Variants in ADGRA1 observed in about 807,000 individuals in gnomAD.
ADGRA1 encodes adhesion G protein-coupled receptor A1.
ADGRA1 carries 12 observed loss-of-function variants against 21.3 expected under a neutral mutation model. That is an observed-to-expected ratio of 0.56 (90% CI 0.36 to 0.91). The LOEUF (loss-of-function observed/expected upper bound fraction) is 0.91, where lower values mean the gene tolerates loss of function less well. ADGRA1 is among the 40% of genes least tolerant of loss of function. ADGRA1 has a pLI of 0.01. For missense variants in ADGRA1, 790 were observed against 805.6 expected (o/e 0.98, Z 0.23); for synonymous variants, 385 against 368.8 (o/e 1.04, Z -0.50).
At chr10:133,126,582 C>A (rs1007266559) in intron 5 of ADGRA1, among the ~76,000 whole-genome samples, 2 of 152,182 alleles carry the variant, frequency 1.3e-5, no homozygotes, top group African/African-American at 2.4e-5. Flanking sequence ...CAAGTGCACC[C>A]GGTCCGGGAC....
chr10:133,093,108 C>T (rs984344803), intron 2 of ADGRA1: 5 of 1,597,754 alleles, frequency 3.1e-6, no homozygotes, highest in Non-Finnish European at 4.2e-6. Flanking sequence ...GCCCCGGACA[C>T]CTCACTGTGC....
At position 133,088,127 on chromosome 10, in the gene ADGRA1, C is replaced by T. The variant is rs1019441122; in HGVS notation, c.-214C>T. Reference sequence around the variant, plus strand: ...GGCCCGGCCGCCCCGGCAGCCGCTTCGGCCACAGCAGGTGGGAAGGACGCG... The same window carrying T: ...GGCCCGGCCGCCCCGGCAGCCGCTTTGGCCACAGCAGGTGGGAAGGACGCG... On this transcript the variant is annotated 5_prime_UTR_variant, in exon 1 of 7. Transcript: ENST00000392607. 3.3e-4 allele frequency: 321 copies of T among 984,574 alleles called. No homozygotes were observed. Among genetic ancestry groups the T allele is most frequent in the Non-Finnish European group, 3.7e-4 (311 of 829,430 alleles). The allele number at this position is 984,574 out of a possible 1,614,324, so 61.0% of individuals were successfully genotyped here. A position where few individuals can be genotyped will look rare whatever the true frequency, so the allele number is the denominator to read the frequency against.
chr10:133,101,302 G>A (rs774849251), intron 4 of ADGRA1, among the ~76,000 whole-genome samples: 4 of 152,236 alleles, frequency 2.6e-5, no homozygotes, highest in Non-Finnish European at 5.9e-5. Context: ...GGCTCTGGAT[G>A]GCTGGAGAGG....
At chr10:133,093,128 G>T in intron 2 of ADGRA1, 1 of 1,594,584 alleles carries the variant, frequency 6.3e-7, no homozygotes, top group Non-Finnish European at 8.5e-7. Context: ...CAGGAAAGAA[G>T]GTTCCTCAGC....
chr10:133,108,811 C>T (rs1288771220), intron 5 of ADGRA1, among the ~76,000 whole-genome samples: 2 of 114,484 alleles, frequency 1.7e-5, no homozygotes, highest in African/African-American at 6.0e-5. Flanking sequence ...CCCTCACATC[C>T]TCCATGGTCC....
At chr10:133,113,006 T>C (rs1852087470) in intron 5 of ADGRA1, among the ~76,000 whole-genome samples, 1 of 148,626 alleles carries the variant, frequency 6.7e-6, no homozygotes. Context: ...ATAAGCTGTG[T>C]CAGTTATTTG....
chr10:133,104,373 A>T (rs1254025265), intron 5 of ADGRA1, among the ~76,000 whole-genome samples: 1 of 152,188 alleles, frequency 6.6e-6, no homozygotes, highest in Non-Finnish European at 1.5e-5. Context: ...AATTGATGGA[A>T]GAGCTGCCTG....
chr10:133,112,088 GC>G (rs1396437926), intron 5 of ADGRA1, among the ~76,000 whole-genome samples: 7 of 151,006 alleles, frequency 4.6e-5, no homozygotes, highest in Admixed American at 1.3e-4. Context: ...CTGCTGGCCA[GC>G]CCACTTTGAG....
At chr10:133,121,421 T>G (rs562750697) in intron 5 of ADGRA1, among the ~76,000 whole-genome samples, 2 of 143,788 alleles carry the variant, frequency 1.4e-5, no homozygotes, top group African/African-American at 5.2e-5. Context: ...TGCATGTGTG[T>G]GGTGTGTCAG....
intron 3 of ADGRA1, among the ~76,000 whole-genome samples, chr10:133,098,432 G>A (rs544811174): frequency 5.9e-5 from 9 of 152,282 alleles, no homozygotes; most frequent in South Asian, 2.1e-4. Flanking sequence ...CCAGGGTGAC[G>A]TAAGGCAGAA....
At chr10:133,096,703 A>C (rs1265820711) in intron 2 of ADGRA1, among the ~76,000 whole-genome samples, 2 of 152,240 alleles carry the variant, frequency 1.3e-5, no homozygotes, top group African/African-American at 4.8e-5. Context: ...CCTCAGAGCC[A>C]CACAAGGATG....
chr10:133,106,192 G>A (rs1007568307), intron 5 of ADGRA1, among the ~76,000 whole-genome samples: 15 of 152,310 alleles, frequency 9.8e-5, no homozygotes, highest in African/African-American at 2.2e-4. Context: ...GGGCAAGAGC[G>A]GTAGGACTGG....
rs200894638 is a variant in ADGRA1, at chr10:133,102,832, C to A, written c.391C>A (p.Pro131Thr). The change falls in exon 5 of 7, where the codon CCC becomes ACC. Residue 131 changes from proline (P) to threonine (T), a missense_variant. Transcript: ENST00000392607. ...DTDQPPYPRQ[P>T]LLRFYLVSGG... ...AGACCAGCCACCGTACCCCAGGCAG[C>A]CCCTGCTCAGGTACTGAGTGCACAT... 1 of 1,610,652 alleles carries A rather than the reference C, an allele frequency of 6.2e-7. No individual in the cohort carries two copies. Among genetic ancestry groups the A allele is most frequent in the East Asian group, 2.2e-5 (1 of 44,772 alleles).
chr10:133,098,228 A>G lies in ADGRA1; in HGVS notation c.132-412A>G, dbSNP rs370087675. ...GCTATAGCCGGGGTCACGCTGAGCC[A>G]GTCTAATCACGGTCTCTTCCTGATG... On this transcript the variant is annotated intron_variant, in intron 3 of 6. Coordinates refer to ENST00000392607, the MANE Select transcript of ADGRA1 (RefSeq NM_001083909.3). Among the ~76,000 whole-genome samples the G allele has an allele frequency of 9.9e-5, 15 of 152,272 alleles. No individual in the cohort carries two copies. In the East Asian group the frequency reaches 2.5e-3, roughly 26 times the overall value.
intron 2 of ADGRA1, chr10:133,092,856 G>GGAAGGAAGGAAA (rs1851624199): frequency 7.7e-7 from 1 of 1,292,770 alleles, no homozygotes; most frequent in Non-Finnish European, 1.1e-6. Flanking sequence ...AAGGAAGGAA[G>GGAAGGAAGGAAA]GAAGGAAGGA....
At chr10:133,107,132 T>C (rs1369171100) in intron 5 of ADGRA1, among the ~76,000 whole-genome samples, 2 of 152,244 alleles carry the variant, frequency 1.3e-5, no homozygotes, top group Admixed American at 1.3e-4. Flanking sequence ...TAACTTTCCT[T>C]TCAGATTGCT....
chr10:133,112,553 T>C (rs1454410588), intron 5 of ADGRA1, among the ~76,000 whole-genome samples: 1 of 149,114 alleles, frequency 6.7e-6, no homozygotes, highest in Non-Finnish European at 1.5e-5. Context: ...ATTTGAGGTC[T>C]GTGGGCCGCA....
Position 133,130,873 on chromosome 10 carries a change from TCA to T in ADGRA1, c.*1369_*1370del, listed in dbSNP as rs1355931681. 6.7e-6 allele frequency: 1 copy of T among 150,042 alleles called. No homozygotes were observed. The highest frequency in any genetic ancestry group is 1.5e-5 in the Non-Finnish European group (1 of 67,852). The allele number at this position is 150,042 out of a possible 1,614,324, so 9.3% of individuals were successfully genotyped here. ...ACGCACACACACAAACACGTGCATATCACACACAAACACACGTGCACACATAC... is the reference window on the plus strand; with the variant it reads ...ACGCACACACACAAACACGTGCATATCACACAAACACACGTGCACACATAC... On this transcript the variant is annotated 3_prime_UTR_variant, in exon 7 of 7. Transcript: ENST00000392607.
At chr10:133,112,563 A>ATG (rs1852064677) in intron 5 of ADGRA1, among the ~76,000 whole-genome samples, 1 of 28,526 alleles carries the variant, frequency 3.5e-5, no homozygotes, top group Non-Finnish European at 7.1e-5. Context: ...TGTGGGCCGC[A>ATG]TCGGTTATTT....
Sources: allele counts gnomAD v4.1 joint callset (sites outside exome capture counted in the v4.1 genomes callset), GRCh38; gene constraint gnomAD v4.1.1; transcripts MANE v1.5; gene names NCBI Gene and HGNC (gene_info 2026-07-23, HGNC 2026-07-21).